Variants in MMP13 observed in about 807,000 individuals in gnomAD.
The protein encoded by MMP13 is collagenase 3.
A neutral mutation model predicts 52.1 loss-of-function variants in MMP13; 45 were observed. The observed-to-expected ratio is 0.86, with a 90% CI of 0.68 to 1.11. The LOEUF (loss-of-function observed/expected upper bound fraction) is 1.11, where lower values mean the gene tolerates loss of function less well. Ranked by LOEUF, MMP13 falls within the 50% of genes least tolerant of loss-of-function variation. MMP13 has a pLI of 0.00. For missense variants in MMP13, 576 were observed against 583.8 expected (o/e 0.99, Z 0.14); for synonymous variants, 200 against 204.4 (o/e 0.98, Z 0.18).
At position 102,952,141 on chromosome 11, in the gene MMP13, A is replaced by T; in HGVS notation, c.670T>A (p.Phe224Ile). Residue 224 changes from phenylalanine to isoleucine, a missense_variant, in exon 5 of 10, where the codon TTC becomes ATC. Coordinates refer to ENST00000260302, the MANE Select transcript of MMP13 (RefSeq NM_002427.4). The surrounding 1 kb of genome is among the most constrained non-coding windows in gnomAD (Gnocchi z 4.3). The part of the protein sequence containing the change: ...YNLFLVAAHE[F>I]GHSLGLDHSK... ...TGGTCAAGACCTAAGGAGTGGCCGA[A>T]CTCATGCGCAGCAACAAGAAACAAG... 1 of 1,613,302 alleles carries T rather than the reference A, an allele frequency of 6.2e-7. No individual in the cohort carries two copies. The highest frequency in any genetic ancestry group is 8.5e-7 in the Non-Finnish European group (1 of 1,179,378).
At position 102,949,285 on chromosome 11, in the gene MMP13, G is replaced by A; in HGVS notation, c.918-127C>T. 1 of 1,202,524 alleles carries A rather than the reference G, an allele frequency of 8.3e-7. No homozygotes were observed. The highest frequency in any genetic ancestry group is 1.2e-6 in the Non-Finnish European group (1 of 848,888). 74.5% of individuals were successfully genotyped at this position (1,202,524 alleles called of 1,614,324 possible). ...AACCAATACCTCCCACCTGTGAAGG[G>A]AAAAAAAATTCCATTACCCTTTAAG... is the stretch of plus-strand genomic sequence containing the variant. On this transcript the variant is annotated intron_variant, in intron 6 of 9. Transcript: ENST00000260302. The surrounding 1 kb of genome is among the most constrained non-coding windows in gnomAD (Gnocchi z 4.2).
chr11:102,946,631 A>T (rs1555016690), intron 8 of MMP13, among the ~76,000 whole-genome samples: 3 of 152,200 alleles, frequency 2.0e-5, no homozygotes, highest in African/African-American at 7.2e-5. Flanking sequence ...CAAGAGGGAG[A>T]GATGCAGGGA....
rs782725905 is a variant in MMP13, at chr11:102,944,292, G to A, written c.1390C>T (p.Pro464Ser). 5 of 1,612,878 alleles carry A rather than the reference G, an allele frequency of 3.1e-6. No individual in the cohort carries two copies. The highest frequency in any genetic ancestry group is 4.5e-5 in the East Asian group (2 of 44,844). ...IWSNRIVRVMPANSILWC is the reference protein window; with the variant it reads ...IWSNRIVRVMSANSILWC The stretch of plus-strand genomic sequence containing the variant: ...TAACACCACAAAATGGAATTTGCTG[G>A]CATGACGCGAACAATACGGTTACTC... The change falls in exon 10 of 10, where the codon CCA becomes TCA. Residue 464 changes from proline to serine, a missense_variant. By Grantham distance (74) the Pro-to-Ser change is moderately conservative. Coordinates refer to ENST00000260302, the MANE Select transcript of MMP13 (RefSeq NM_002427.4).
In MMP13 at chr11:102,951,996, T is replaced by C. The variant is rs183622665; in HGVS notation, c.799+16A>G. 20 of 1,611,570 alleles carry C rather than the reference T, an allele frequency of 1.2e-5. No individual in the cohort carries two copies. In the African/African-American group the frequency reaches 2.4e-4, roughly 19 times the overall value. ...CTTTTATAACTGATCATATTCTATTTCTATAACCGAGTTACCATAGAGAGA... is the reference window on the plus strand; with the variant it reads ...CTTTTATAACTGATCATATTCTATTCCTATAACCGAGTTACCATAGAGAGA... On this transcript the variant is annotated intron_variant, in intron 5 of 9. Coordinates refer to ENST00000260302, the MANE Select transcript of MMP13 (RefSeq NM_002427.4).
chr11:102,943,007 A>G lies in MMP13; in HGVS notation c.*1259T>C, dbSNP rs1860433358. The G allele has an allele frequency of 6.6e-6, 1 of 152,240 alleles. No homozygotes were observed. The highest frequency in any genetic ancestry group is 6.5e-5 in the Admixed American group (1 of 15,280). 9.4% of individuals were successfully genotyped at this position (152,240 alleles called of 1,614,324 possible). A position where few individuals can be genotyped will look rare whatever the true frequency, so the allele number is the denominator to read the frequency against. ...CATATAGCAATTGTCTGTTGAAAAT[A>G]TATTTTTATTATAAACAACATAAAC... On this transcript the variant is annotated 3_prime_UTR_variant, in exon 10 of 10. Transcript: ENST00000260302.
Position 102,955,370 on chromosome 11 carries a change from T to C in MMP13, c.244A>G (p.Lys82Glu). The C allele has an allele frequency of 6.2e-7, 1 of 1,614,050 alleles. No individual in the cohort carries two copies. The highest frequency in any genetic ancestry group is 8.5e-7 in the Non-Finnish European group (1 of 1,179,948). Residue 82 changes from lysine to glutamate, a missense_variant, in exon 2 of 10, where the codon AAA becomes GAA. Lys to Glu is a moderately conservative substitution (Grantham distance 56). Coordinates refer to ENST00000260302, the MANE Select transcript of MMP13 (RefSeq NM_002427.4). This position sits in a 1 kb window ranked among gnomAD's most constrained non-coding sequence, Gnocchi z 4.9. ...QSFFGLEVTG[K>E]LDDNTLDVMK... ...ACATCTAAGGTGTTATCGTCAAGTT[T>C]GCCAGTCACCTCTAAGCCGAAGAAA...
rs968621211 is a variant in MMP13 at position 102,950,591 on chromosome 11, G to A, written c.800-364C>T. 8.5e-5 allele frequency among the ~76,000 whole-genome samples: 13 copies of A among 152,072 alleles called. 1 individual carries two copies. The highest frequency in any genetic ancestry group is 2.2e-4 in the African/African-American group (9 of 41,426). On this transcript the variant is annotated intron_variant, in intron 5 of 9. Transcript: ENST00000260302. ...TCCCCTTAAAGCCATTTTTGATGGCGTATTTTTCCTGCAAAAGCCCTCATC... is the reference window on the plus strand; with the variant it reads ...TCCCCTTAAAGCCATTTTTGATGGCATATTTTTCCTGCAAAAGCCCTCATC...
At position 102,949,245 on chromosome 11, in the gene MMP13, A is replaced by G; in HGVS notation, c.918-87T>C. 6.6e-7 allele frequency: 1 copy of G among 1,517,294 alleles called. No homozygotes were observed. Among genetic ancestry groups the G allele is most frequent in the South Asian group, 1.2e-5 (1 of 85,792 alleles). 94.0% of individuals were successfully genotyped at this position (1,517,294 alleles called of 1,614,324 possible). On this transcript the variant is annotated intron_variant, in intron 6 of 9. Coordinates refer to ENST00000260302, the MANE Select transcript of MMP13 (RefSeq NM_002427.4). This position sits in a 1 kb window ranked among gnomAD's most constrained non-coding sequence, Gnocchi z 4.2. ...TAGTCACCTCTCTCCACATCAACAC[A>G]GACAAGTTAGATACAACCAATACCT...
In MMP13 at chr11:102,952,193, C is replaced by T. The variant is rs1379020010; in HGVS notation, c.638-20G>A. 6 of 1,611,382 alleles carry T rather than the reference C, an allele frequency of 3.7e-6. No individual in the cohort carries two copies. Among genetic ancestry groups the T allele is most frequent in the Non-Finnish European group, 5.1e-6 (6 of 1,178,418 alleles). ...TGTAGCCTGTAAGAAAACAAAGAAA[C>T]AATGAGAAAAAAAGGAATTCCAGTG... On this transcript the variant is annotated intron_variant, in intron 4 of 9. Transcript: ENST00000260302. This position sits in a 1 kb window ranked among gnomAD's most constrained non-coding sequence, Gnocchi z 4.3.
chr11:102,944,910 C>T (rs373158328), intron 9 of MMP13, among the ~76,000 whole-genome samples: 1 of 150,718 alleles, frequency 6.6e-6, no homozygotes, highest in Non-Finnish European at 1.5e-5. Flanking sequence ...CATGAGCCAC[C>T]GCACCCAGCC....
chr11:102,951,881 A>C, intron 5 of MMP13, 131 bp downstream of exon 5: 8 of 903,588 alleles, frequency 8.9e-6, no homozygotes, highest in Non-Finnish European at 1.4e-5. Flanking sequence ...CAGTATTATG[A>C]AACCTTTGTC....
intron 9 of MMP13, chr11:102,945,263 G>T: frequency 2.1e-5 from 18 of 859,214 alleles, no homozygotes; most frequent in African/African-American, 3.7e-5. Context: ...AAAAGGTTGA[G>T]AACATAATTA....
At chr11:102,950,274 G>T in intron 5 of MMP13, 47 bp from the exon 6 acceptor site, 1 of 1,391,130 alleles carries the variant, frequency 7.2e-7, no homozygotes, top group Non-Finnish European at 1.0e-6. Context: ...TGACATTACT[G>T]ATAACCTGAG....
At position 102,948,001 on chromosome 11, in the gene MMP13, G is replaced by A. The variant is rs781949882; in HGVS notation, c.1101C>T (p.Pro367=). ...LNGYDILEGY[P]KKISELGLPK... is the part of the protein sequence containing the mutation. ...GAAGACCCAGTTCAGATATTTTTTT[G>A]GGATAACCTTCCAGAATGTCATAAC... is the stretch of plus-strand genomic sequence containing the variant. The change falls in exon 8 of 10, where the codon CCC becomes CCT. Residue 367 remains proline, a synonymous_variant. Transcript: ENST00000260302. The A allele has an allele frequency of 1.9e-6, 3 of 1,613,540 alleles. No individual in the cohort carries two copies. Among genetic ancestry groups the A allele is most frequent in the Non-Finnish European group, 2.5e-6 (3 of 1,179,804 alleles).
chr11:102,948,377 A>G (rs946364474), intron 7 of MMP13, among the ~76,000 whole-genome samples: 3 of 152,190 alleles, frequency 2.0e-5, no homozygotes. Flanking sequence ...ACACAGTAGG[A>G]AGAGTAAATT....
Position 102,950,160 on chromosome 11 carries a change from G to C in MMP13, c.867C>G (p.Ser289=), listed in dbSNP as rs782394851. Residue 289 remains serine, a synonymous_variant, in exon 6 of 10, where the codon TCC becomes TCG. Coordinates refer to ENST00000260302, the MANE Select transcript of MMP13 (RefSeq NM_002427.4). Reference sequence around the variant, plus strand: ...CTCGGAGACTGGTAATGGCATCAAGGGATAAGGAAGGGTCACATTTGTCTG... The same window carrying C: ...CTCGGAGACTGGTAATGGCATCAAGCGATAAGGAAGGGTCACATTTGTCTG... ...KTPDKCDPSL[S]LDAITSLRGE... 9 of 1,613,722 alleles carry C rather than the reference G, an allele frequency of 5.6e-6. No individual in the cohort carries two copies. The East Asian group carries it at 1.8e-4, about 32-fold the overall frequency.
intron 3 of MMP13, 42 bp from the exon 4 acceptor site, chr11:102,954,323 G>A (rs767961495): frequency 1.9e-6 from 3 of 1,613,270 alleles, no homozygotes; most frequent in Non-Finnish European, 2.5e-6. Context: ...TCACATCCAG[G>A]AGTACTTAGC....
intron 8 of MMP13, among the ~76,000 whole-genome samples, chr11:102,947,287 A>G (rs1306467966): frequency 1.3e-5 from 2 of 152,186 alleles, no homozygotes; most frequent in Non-Finnish European, 2.9e-5. Flanking sequence ...TTAGAAAGAG[A>G]AGGTGCCAAT....
intron 8 of MMP13, among the ~76,000 whole-genome samples, chr11:102,946,446 G>A (rs1256548320): frequency 6.6e-6 from 1 of 152,176 alleles, no homozygotes; most frequent in Non-Finnish European, 1.5e-5. Flanking sequence ...TAAAGCTAAG[G>A]CATGTGTATA....
Sources: gnomAD v4.1 joint callset for allele counts (sites outside exome capture counted in the v4.1 genomes callset) on GRCh38, gnomAD v4.1.1 for gene constraint, Gnocchi (gnomAD v3.1) non-coding constraint, MANE v1.5 for transcripts, NCBI Gene and HGNC (gene_info 2026-07-23, HGNC 2026-07-21) for gene names.